The following TRIM42 variants were observed in gnomAD, a reference collection of about 807,000 sequenced individuals.
The protein encoded by TRIM42 is tripartite motif-containing protein 42.
A neutral mutation model predicts 64.9 loss-of-function variants in TRIM42; 59 were observed. The ratio of observed to expected loss-of-function variants is 0.91; its 90% CI spans 0.74 to 1.13. The LOEUF (loss-of-function observed/expected upper bound fraction) is 1.13, where lower values mean the gene tolerates loss of function less well. TRIM42 is among the 50% of genes most tolerant of loss of function. TRIM42 has a pLI of 0.00. For missense variants in TRIM42, 878 were observed against 929.5 expected (o/e 0.94, Z 0.72); for synonymous variants, 354 against 346.3 (o/e 1.02, Z -0.25).
chr3:140,680,482 C>G (rs924511693), intron 1 of TRIM42, among the ~76,000 whole-genome samples: 2 of 152,134 alleles, frequency 1.3e-5, no homozygotes, highest in Admixed American at 6.5e-5. Flanking sequence ...CTCCCTCCCC[C>G]ACTTCTTCTT....
chr3:140,686,672 C>T (rs1370861215), intron 2 of TRIM42, among the ~76,000 whole-genome samples: 3 of 152,126 alleles, frequency 2.0e-5, no homozygotes, highest in African/African-American at 7.2e-5. Flanking sequence ...AGCTAGTCAT[C>T]CCCACTCCTG....
At chr3:140,691,817 G>A (rs1988722910) in intron 4 of TRIM42, among the ~76,000 whole-genome samples, 1 of 151,842 alleles carries the variant, frequency 6.6e-6, no homozygotes, top group South Asian at 2.1e-4. Flanking sequence ...ATATCTCCAG[G>A]GAATACACAT....
chr3:140,681,436 C>T lies in TRIM42; in HGVS notation c.342-1026C>T, dbSNP rs58414173. ...GAGCTTTGACTTATAGTTGAGAAAA[C>T]TGAACATGAGAGAGGTTTAAAAAAA... On this transcript the variant is annotated intron_variant, in intron 1 of 4. Coordinates refer to ENST00000286349, the MANE Select transcript of TRIM42 (RefSeq NM_152616.5). 7.4e-3 allele frequency among the ~76,000 whole-genome samples: 1,121 copies of T among 152,082 alleles called. 19 individuals carry two copies. The highest frequency in any genetic ancestry group is 0.026 in the African/African-American group (1,065 of 41,524).
rs998953376 is a variant in TRIM42 at position 140,679,879 on chromosome 3, A to AC, written c.341+1316dup. Among the ~76,000 whole-genome samples, 8 of 137,994 alleles carry AC rather than the reference A, an allele frequency of 5.8e-5. No individual in the cohort carries two copies. The East Asian group carries it at 7.1e-4, about 12-fold the overall frequency. 90.5% of individuals were successfully genotyped at this position (137,994 alleles called of 152,430 possible). A position where few individuals can be genotyped will look rare whatever the true frequency, so the allele number is the denominator to read the frequency against. On this transcript the variant is annotated intron_variant, in intron 1 of 4. Coordinates refer to ENST00000286349, the MANE Select transcript of TRIM42 (RefSeq NM_152616.5). ...TTAAAATTACTGATGCCTGATCCCCACCCCCCCAAACATTGATTTTATTGG... is the reference window on the plus strand; with the variant it reads ...TTAAAATTACTGATGCCTGATCCCCACCCCCCCCAAACATTGATTTTATTGG...
chr3:140,679,682 G>A (rs994857616), intron 1 of TRIM42, among the ~76,000 whole-genome samples: 1 of 152,078 alleles, frequency 6.6e-6, no homozygotes, highest in African/African-American at 2.4e-5. Context: ...CCTAAAACAT[G>A]GAAAATTGTG....
chr3:140,682,577 C>A lies in TRIM42; in HGVS notation c.457C>A (p.Arg153Ser), dbSNP rs998238965. The A allele has an allele frequency of 6.2e-7, 1 of 1,614,244 alleles. No individual in the cohort carries two copies. The highest frequency in any genetic ancestry group is 8.5e-7 in the Non-Finnish European group (1 of 1,180,042). Residue 153 changes from arginine (R) to serine (S), a missense_variant, in exon 2 of 5, where the codon CGC (arginine) becomes AGC (serine). Transcript: ENST00000286349. ...HLNCPMCSRL[R>S]LHSFMLPCNH... ...CAATTGCCCCATGTGCAGCCGGCTG[C>A]GCCTGCACTCATTCATGCTGCCCTG...
At chr3:140,690,136 T>G (rs1988667373) in intron 3 of TRIM42, among the ~76,000 whole-genome samples, 1 of 152,196 alleles carries the variant, frequency 6.6e-6, no homozygotes, top group African/African-American at 2.4e-5. Flanking sequence ...GGAATCATAG[T>G]GCTTAGCAAT....
In TRIM42 at chr3:140,691,071, A is replaced by C; in HGVS notation, c.1964A>C (p.Gln655Pro). The C allele has an allele frequency of 1.2e-6, 2 of 1,614,164 alleles. No homozygotes were observed. Among genetic ancestry groups the C allele is most frequent in the Non-Finnish European group, 1.7e-6 (2 of 1,180,000 alleles). Residue 655 changes from glutamine (Q) to proline (P), a missense_variant, in exon 4 of 5, where the codon CAA becomes CCA. By Grantham distance (76) the Gln-to-Pro change is moderately conservative (BLOSUM62 -1). Coordinates refer to ENST00000286349, the MANE Select transcript of TRIM42 (RefSeq NM_152616.5). Reference protein sequence around the residue: ...PNNVQMELCGQIRDIMQQNLE... With the variant: ...PNNVQMELCGPIRDIMQQNLE... ...AACGTACAAATGGAGCTCTGTGGAC[A>C]AATTCGGGACATAATGCAGCAAAAT...
Position 140,687,798 on chromosome 3 carries a change from G to A in TRIM42, c.1116G>A (p.Lys372=), listed in dbSNP as rs1246150462. ...KNSFKADKEA[K]RKEIRNGFLK... is the part of the protein sequence containing the mutation. ...GCTTTAAAGCTGACAAGGAGGCAAA[G>A]CGAAAAGAGATCAGAAATGGCTTTC... is the stretch of plus-strand genomic sequence containing the variant. The change falls in exon 3 of 5, where the codon AAG becomes AAA. Residue 372 remains lysine (K), a synonymous_variant. Transcript: ENST00000286349. 2 of 1,614,096 alleles carry A rather than the reference G, an allele frequency of 1.2e-6. No homozygotes were observed. The highest frequency in any genetic ancestry group is 1.3e-5 in the African/African-American group (1 of 74,932).
Position 140,678,127 on chromosome 3 carries a change from C to A in TRIM42, c.-103C>A. The A allele has an allele frequency of 9.1e-7, 1 of 1,099,550 alleles. No individual in the cohort carries two copies. Among genetic ancestry groups the A allele is most frequent in the Non-Finnish European group, 1.3e-6 (1 of 746,596 alleles). The allele number at this position is 1,099,550 out of a possible 1,614,324, so 68.1% of individuals were successfully genotyped here. A position where few individuals can be genotyped will look rare whatever the true frequency, so the allele number is the denominator to read the frequency against. On this transcript the variant is annotated 5_prime_UTR_variant, in exon 1 of 5. Coordinates refer to ENST00000286349, the MANE Select transcript of TRIM42 (RefSeq NM_152616.5). Reference sequence around the variant, plus strand: ...CTTGCAACTTTCAAGCTGACGGCCTCAGGAATGGGAGGAAGGACTCCTCCA... The same window carrying A: ...CTTGCAACTTTCAAGCTGACGGCCTAAGGAATGGGAGGAAGGACTCCTCCA...
In TRIM42 at chr3:140,683,119, G is replaced by A. The variant is rs1309868125; in HGVS notation, c.999G>A (p.Arg333=). ...TISLIDACSE[R]AASLFSAIAK... ...GCCTCATCGACGCCTGCTCCGAGAGGGCCGCCTCACTCTTCAGCGCCATCG... is the reference window on the plus strand; with the variant it reads ...GCCTCATCGACGCCTGCTCCGAGAGAGCCGCCTCACTCTTCAGCGCCATCG... Residue 333 remains arginine (R), a synonymous_variant, in exon 2 of 5, where the codon AGG becomes AGA. Transcript: ENST00000286349. 2 of 1,614,032 alleles carry A rather than the reference G, an allele frequency of 1.2e-6. No homozygotes were observed. Among genetic ancestry groups the A allele is most frequent in the Non-Finnish European group, 8.5e-7 (1 of 1,180,046 alleles).
At chr3:140,683,739 A>G (rs1988477200) in intron 2 of TRIM42, among the ~76,000 whole-genome samples, 1 of 152,242 alleles carries the variant, frequency 6.6e-6, no homozygotes, top group South Asian at 2.1e-4. Flanking sequence ...CTGGCAGCAA[A>G]CATATAACAA....
At chr3:140,695,886 C>A (rs139256062) in intron 4 of TRIM42, among the ~76,000 whole-genome samples, 1 of 152,276 alleles carries the variant, frequency 6.6e-6, no homozygotes, top group East Asian at 1.9e-4. Context: ...TGACTCCGTG[C>A]CCTAAAATGA....
chr3:140,691,263 T>A, intron 4 of TRIM42, 71 bp downstream of exon 4: 1 of 1,281,264 alleles, frequency 7.8e-7, no homozygotes, highest in East Asian at 2.3e-5. Flanking sequence ...CCTGTTAAGA[T>A]GATCGTGAGA....
At chr3:140,683,612 CTT>C (rs370661699) in intron 2 of TRIM42, among the ~76,000 whole-genome samples, 3 of 152,254 alleles carry the variant, frequency 2.0e-5, no homozygotes, top group African/African-American at 7.2e-5. Context: ...TGTTGGATCT[CTT>C]TGGTTTTCCT....
At chr3:140,683,535 T>A (rs980742932) in intron 2 of TRIM42, among the ~76,000 whole-genome samples, 1 of 152,206 alleles carries the variant, frequency 6.6e-6, no homozygotes, top group Admixed American at 6.5e-5. Context: ...ATTTTCTCCT[T>A]TGGAAAATGA....
At position 140,692,530 on chromosome 3, in the gene TRIM42, T is replaced by TACACACACACACACACACACACACAC. The variant is rs1553763786; in HGVS notation, c.2085+1346_2085+1371dup. ...CCATGGACACACACACACATACACA[T>TACACACACACACACACACACACACAC]ACACACACACACACACACACACACA... is the stretch of plus-strand genomic sequence containing the variant. On this transcript the variant is annotated intron_variant, in intron 4 of 4. Transcript: ENST00000286349. Among the ~76,000 whole-genome samples the TACACACACACACACACACACACACAC allele has an allele frequency of 2.8e-3, 300 of 108,434 alleles. 4 individuals are homozygous for TACACACACACACACACACACACACAC. The highest frequency in any genetic ancestry group is 0.023 in the East Asian group (84 of 3,710). The allele number at this position is 108,434 out of a possible 152,430, so 71.1% of individuals were successfully genotyped here.
chr3:140,678,584 AC>A lies in TRIM42; in HGVS notation c.341+16del, dbSNP rs1408162510. 8.1e-6 allele frequency: 13 copies of A among 1,603,836 alleles called. No individual in the cohort carries two copies. The highest frequency in any genetic ancestry group is 1.1e-5 in the Non-Finnish European group (13 of 1,173,598). ...CATCCATACCTCGTAAGTGCCAGGC[AC>A]CAGATGTGGGGCCGCATTGGGTCAT... On this transcript the variant is annotated intron_variant, in intron 1 of 4. Coordinates refer to ENST00000286349, the MANE Select transcript of TRIM42 (RefSeq NM_152616.5).
rs1553763786 is a variant in TRIM42 at position 140,692,530 on chromosome 3, T to TACACAC, written c.2085+1366_2085+1371dup. Among the ~76,000 whole-genome samples the TACACAC allele has an allele frequency of 7.9e-3, 851 of 108,292 alleles. 13 individuals carry two copies. The highest frequency in any genetic ancestry group is 0.02 in the African/African-American group (622 of 30,952). The allele number at this position is 108,292 out of a possible 152,430, so 71.0% of individuals were successfully genotyped here. A position where few individuals can be genotyped will look rare whatever the true frequency, so the allele number is the denominator to read the frequency against. ...CCATGGACACACACACACATACACATACACACACACACACACACACACACA... is the reference window on the plus strand; with the variant it reads ...CCATGGACACACACACACATACACATACACACACACACACACACACACACACACACA... On this transcript the variant is annotated intron_variant, in intron 4 of 4. Transcript: ENST00000286349.
Sources: allele counts gnomAD v4.1 joint callset (sites outside exome capture counted in the v4.1 genomes callset), GRCh38; gene constraint gnomAD v4.1.1; transcripts MANE v1.5; gene names NCBI Gene and HGNC (gene_info 2026-07-23, HGNC 2026-07-21).